NR6A1: variants seen among roughly 807,000 people sequenced by gnomAD.
NR6A1 encodes the protein retinoic acid receptor-related testis-associated receptor.
In NR6A1, 7 loss-of-function variants were observed where a neutral mutation model predicts 59.1. That is an observed-to-expected ratio of 0.12 (90% CI 0.07 to 0.22). NR6A1 has a LOEUF of 0.22. Among genes scored for constraint, NR6A1 ranks in the 10% least tolerant of loss-of-function variants. The pLI is 1.00. For synonymous variants in NR6A1, 243 were observed against 236.1 expected (o/e 1.03, Z -0.27); for missense variants, 468 against 611.6 (o/e 0.77, Z 2.48).
At chr9:124,693,932 T>C (rs1838656215) in intron 2 of NR6A1, 2 of 320,666 alleles carry the variant, frequency 6.2e-6, no homozygotes, top group Non-Finnish European at 1.3e-5. Flanking sequence ...ATGGAGTAAG[T>C]TCTCTAAATT....
At chr9:124,538,006 C>T (rs972467183) in intron 6 of NR6A1, 86 bp downstream of exon 6, 37 of 1,092,154 alleles carry the variant, frequency 3.4e-5, no homozygotes, top group Middle Eastern at 6.0e-4. Flanking sequence ...TCTGAAGCCA[C>T]GGGTATAGGA....
chr9:124,566,844 C>T (rs1226199651), intron 2 of NR6A1, among the ~76,000 whole-genome samples: 1 of 152,192 alleles, frequency 6.6e-6, no homozygotes, highest in East Asian at 1.9e-4. Flanking sequence ...CGCGGTGGCT[C>T]ACGCCTGTAA....
Position 124,517,974 on chromosome 9 carries a change from T to G in NR6A1, c.*4731A>C, listed in dbSNP as rs1033655968. Reference sequence around the variant, plus strand: ...GAGGTAGTTTTTTTTTTCTTTTTCATGGAAATTTGAATCAACAACATTATC... The same window carrying G: ...GAGGTAGTTTTTTTTTTCTTTTTCAGGGAAATTTGAATCAACAACATTATC... On this transcript the variant is annotated 3_prime_UTR_variant, in exon 10 of 10. Transcript: ENST00000487099. The G allele has an allele frequency of 4.0e-5, 6 of 151,182 alleles. No individual in the cohort carries two copies. Among genetic ancestry groups the G allele is most frequent in the African/African-American group, 1.5e-4 (6 of 41,078 alleles). The allele number at this position is 151,182 out of a possible 1,614,324, so 9.4% of individuals were successfully genotyped here.
intron 2 of NR6A1, among the ~76,000 whole-genome samples, chr9:124,654,744 T>C (rs1038644104): frequency 6.6e-6 from 1 of 152,190 alleles, no homozygotes; most frequent in Non-Finnish European, 1.5e-5. Flanking sequence ...TGTAGCTTCA[T>C]GTTTCACTTC....
At chr9:124,534,221 C>T (rs748820878) in intron 7 of NR6A1, among the ~76,000 whole-genome samples, 20 of 151,846 alleles carry the variant, frequency 1.3e-4, no homozygotes, top group Admixed American at 3.9e-4. Context: ...TACAGGCATG[C>T]GCCACCACAC....
At chr9:124,670,261 A>G (rs958301870) in intron 2 of NR6A1, among the ~76,000 whole-genome samples, 2 of 151,754 alleles carry the variant, frequency 1.3e-5, no homozygotes, top group African/African-American at 4.8e-5. Flanking sequence ...CTGTGATGGC[A>G]CATGCCTACC....
At chr9:124,691,234 CAG>C (rs747101209) in intron 2 of NR6A1, among the ~76,000 whole-genome samples, 24 of 152,252 alleles carry the variant, frequency 1.6e-4, no homozygotes, top group Non-Finnish European at 2.9e-4. Flanking sequence ...CTGGCTAATG[CAG>C]AGTTTTGACA....
In NR6A1 at chr9:124,598,987, G is replaced by A. The variant is rs1029824597; in HGVS notation, c.143-44417C>T. 11 of 733,380 alleles carry A rather than the reference G, an allele frequency of 1.5e-5. No homozygotes were observed. The Admixed American group carries it at 1.9e-4, about 12-fold the overall frequency. The allele number at this position is 733,380 out of a possible 1,614,324, so 45.4% of individuals were successfully genotyped here. A position where few individuals can be genotyped will look rare whatever the true frequency, so the allele number is the denominator to read the frequency against. On this transcript the variant is annotated intron_variant, in intron 2 of 9. Coordinates refer to ENST00000487099, the MANE Select transcript of NR6A1 (RefSeq NM_033334.4). ...TGGGTTTCAGCTCCACCATTGGCGT[G>A]TAGTGGTTGGCACAAATCTTCAGGG...
chr9:124,687,291 A>ATTAT (rs142524533), intron 2 of NR6A1, among the ~76,000 whole-genome samples: 97 of 142,166 alleles, frequency 6.8e-4, no homozygotes, highest in South Asian at 2.5e-3. Context: ...CAGCTAATTA[A>ATTAT]TTATTTATTT....
At chr9:124,616,055 G>T (rs988197421) in intron 2 of NR6A1, among the ~76,000 whole-genome samples, 2 of 151,796 alleles carry the variant, frequency 1.3e-5, no homozygotes, top group South Asian at 4.2e-4. Context: ...GTTTTATTTG[G>T]CCATAAAACT....
chr9:124,764,678 C>A (rs966467170), intron 1 of NR6A1, among the ~76,000 whole-genome samples: 6 of 152,188 alleles, frequency 3.9e-5, no homozygotes, highest in Non-Finnish European at 8.8e-5. Context: ...TAGATACATT[C>A]TCTGCTAATA....
At chr9:124,637,892 C>CA (rs796714741) in intron 2 of NR6A1, among the ~76,000 whole-genome samples, 30,336 of 78,490 alleles carry the variant, frequency 0.39, 6,222 homozygotes, top group Non-Finnish European at 0.54. Flanking sequence ...ACTCCCTCTC[C>CA]AAAAAAAAAA....
intron 2 of NR6A1, among the ~76,000 whole-genome samples, chr9:124,678,428 C>T (rs1474535894): frequency 6.6e-6 from 1 of 152,204 alleles, no homozygotes; most frequent in Non-Finnish European, 1.5e-5. Context: ...ATGTGCACCA[C>T]TGTTGATATG....
intron 2 of NR6A1, among the ~76,000 whole-genome samples, chr9:124,590,232 T>C (rs535897607): frequency 3.9e-5 from 6 of 152,184 alleles, no homozygotes; most frequent in South Asian, 2.1e-4. Flanking sequence ...TTTTTGCCAA[T>C]TGTAATTCAG....
intron 2 of NR6A1, among the ~76,000 whole-genome samples, chr9:124,641,971 C>T (rs1836779200): frequency 6.6e-6 from 1 of 152,128 alleles, no homozygotes; most frequent in African/African-American, 2.4e-5. Flanking sequence ...CCTATCATGG[C>T]CCAATATAAG....
rs143374281 is a variant in NR6A1, at chr9:124,690,508, T to C, written c.142+42800A>G. On this transcript the variant is annotated intron_variant, in intron 2 of 9. Coordinates refer to ENST00000487099, the MANE Select transcript of NR6A1 (RefSeq NM_033334.4). ...AAACCAATCTAAATCAAGAGTTAAA[T>C]AGTTGGATTGGCTTGTTAAATGTCA... is the stretch of plus-strand genomic sequence containing the variant. Among the ~76,000 whole-genome samples, 780 of 152,200 alleles carry C rather than the reference T, an allele frequency of 5.1e-3. 4 individuals are homozygous for C. The highest frequency in any genetic ancestry group is 9.0e-3 in the Non-Finnish European group (615 of 67,996).
At chr9:124,644,022 T>TC (rs1836854471) in intron 2 of NR6A1, among the ~76,000 whole-genome samples, 1 of 152,110 alleles carries the variant, frequency 6.6e-6, no homozygotes, top group African/African-American at 2.4e-5. Flanking sequence ...AGCTTCAACC[T>TC]CCCAAGTAGC....
At chr9:124,532,893 G>T (rs1167226574) in intron 7 of NR6A1, among the ~76,000 whole-genome samples, 6 of 152,330 alleles carry the variant, frequency 3.9e-5, no homozygotes, top group Admixed American at 3.3e-4. Flanking sequence ...AGTGGCTACT[G>T]TAGTGGACGG....
At position 124,741,094 on chromosome 9, in the gene NR6A1, CTGTCCAATACAGTTGCCACTAGCTACA is replaced by C. The variant is rs560013329; in HGVS notation, c.101-7772_101-7746del. Among the ~76,000 whole-genome samples, 175 of 152,340 alleles carry C rather than the reference CTGTCCAATACAGTTGCCACTAGCTACA, an allele frequency of 1.1e-3. 1 individual carries two copies. The highest frequency in any genetic ancestry group is 3.8e-3 in the African/African-American group (159 of 41,582). ...ATGACGAAAATGTCATATATCTACA[CTGTCCAATACAGTTGCCACTAGCTACA>C]TGTGGCCAATGAGTACTTGGAATGT... On this transcript the variant is annotated intron_variant, in intron 1 of 9. Coordinates refer to ENST00000487099, the MANE Select transcript of NR6A1 (RefSeq NM_033334.4).
Sources: gnomAD v4.1 joint callset for allele counts (sites outside exome capture counted in the v4.1 genomes callset) on GRCh38, gnomAD v4.1.1 for gene constraint, MANE v1.5 for transcripts, NCBI Gene and HGNC (gene_info 2026-07-23, HGNC 2026-07-21) for gene names.